Variants in WWOX observed in about 807,000 individuals in gnomAD.
The protein encoded by WWOX is WW domain-containing oxidoreductase.
Under a neutral mutation model 46.2 loss-of-function variants are expected in WWOX, and 69 were observed. That is an observed-to-expected ratio of 1.49 (90% CI 1.23 to 1.82). The LOEUF (loss-of-function observed/expected upper bound fraction) is 1.82. Ranked by LOEUF, WWOX falls within the 40% of genes most tolerant of loss-of-function variation. WWOX has a pLI of 0.00. For missense variants in WWOX, 919 were observed against 542.6 expected (o/e 1.69, Z -6.89); for synonymous variants, 359 against 202.6 (o/e 1.77, Z -6.56).
At chr16:78,964,455 A>G (rs146041809) in intron 8 of WWOX, among the ~76,000 whole-genome samples, 1 of 152,168 alleles carries the variant, frequency 6.6e-6, no homozygotes, top group Non-Finnish European at 1.5e-5. Flanking sequence ...GGAACTTTGA[A>G]CTTGAGAAAG....
chr16:78,477,009 T>A (rs937841183), intron 8 of WWOX, among the ~76,000 whole-genome samples: 69 of 152,238 alleles, frequency 4.5e-4, no homozygotes, highest in African/African-American at 1.5e-3. Flanking sequence ...GTCTGCGCTT[T>A]TGTTGGTAAT....
intron 8 of WWOX, among the ~76,000 whole-genome samples, chr16:78,788,080 C>T (rs1017204208): frequency 6.6e-6 from 1 of 152,148 alleles, no homozygotes; most frequent in Non-Finnish European, 1.5e-5. Context: ...AACATTTTCT[C>T]TCAATCTATG....
intron 8 of WWOX, among the ~76,000 whole-genome samples, chr16:78,735,691 C>A (rs947108164): frequency 2.0e-5 from 3 of 152,192 alleles, no homozygotes; most frequent in Non-Finnish European, 4.4e-5. Flanking sequence ...CCACGGCCAC[C>A]GTGATGCCTG....
At position 78,424,957 on chromosome 16, in the gene WWOX, G is replaced by T. The variant is rs1482611933; in HGVS notation, c.693G>T (p.Val231=). Residue 231 remains valine, a synonymous_variant, in exon 7 of 9, where the codon GTG becomes GTT. Transcript: ENST00000566780. Reference sequence around the variant, plus strand: ...ATGGCCTGGAGACCACCTTTCAAGTGAATCATCTGGGGCACTTCTACCTTG... The same window carrying T: ...ATGGCCTGGAGACCACCTTTCAAGTTAATCATCTGGGGCACTTCTACCTTG... ...TKDGLETTFQ[V]NHLGHFYLVQ... 2 of 1,614,126 alleles carry T rather than the reference G, an allele frequency of 1.2e-6. No individual in the cohort carries two copies. Among genetic ancestry groups the T allele is most frequent in the African/African-American group, 1.3e-5 (1 of 75,014 alleles).
intron 5 of WWOX, among the ~76,000 whole-genome samples, chr16:78,218,518 T>C (rs1435602713): frequency 1.3e-5 from 2 of 152,018 alleles, no homozygotes; most frequent in Admixed American, 1.3e-4. Flanking sequence ...CTATATGAGG[T>C]CACAGAAAAT....
intron 8 of WWOX, among the ~76,000 whole-genome samples, chr16:78,541,176 T>G (rs1186583421): frequency 1.3e-5 from 2 of 152,144 alleles, no homozygotes; most frequent in Admixed American, 6.5e-5. Context: ...ACTTCTGTTA[T>G]AAAAATAGAC....
At chr16:79,024,660 C>T (rs2047601644) in intron 8 of WWOX, among the ~76,000 whole-genome samples, 1 of 152,074 alleles carries the variant, frequency 6.6e-6, no homozygotes, top group South Asian at 2.1e-4. Flanking sequence ...TGGTCTTCAT[C>T]TCCTGACCTC....
intron 8 of WWOX, among the ~76,000 whole-genome samples, chr16:78,768,005 G>A (rs2049966372): frequency 6.6e-6 from 1 of 151,914 alleles, no homozygotes; most frequent in African/African-American, 2.4e-5. Context: ...AAAGAAAACG[G>A]TAATTGAAAG....
chr16:78,384,945 C>G (rs1385905000), intron 5 of WWOX, among the ~76,000 whole-genome samples: 1 of 152,074 alleles, frequency 6.6e-6, no homozygotes, highest in Non-Finnish European at 1.5e-5. Context: ...ACCATCCTGG[C>G]CAACATGGTG....
chr16:78,277,945 C>T (rs549075088), intron 5 of WWOX, among the ~76,000 whole-genome samples: 1 of 152,218 alleles, frequency 6.6e-6, no homozygotes, highest in South Asian at 2.1e-4. Flanking sequence ...TGACTTGGCC[C>T]ACCATGGGGT....
At chr16:79,006,333 G>T (rs913648931) in intron 8 of WWOX, among the ~76,000 whole-genome samples, 1 of 152,126 alleles carries the variant, frequency 6.6e-6, no homozygotes, top group Non-Finnish European at 1.5e-5. Context: ...AGAGACCCGG[G>T]GGCCTCAGCA....
intron 8 of WWOX, among the ~76,000 whole-genome samples, chr16:78,776,401 A>G (rs11859892): frequency 0.026 from 3,920 of 152,248 alleles, 177 homozygotes; most frequent in African/African-American, 0.09. Context: ...GACCTGGGTC[A>G]ACTCATACCT....
At chr16:78,759,816 T>G (rs1333205430) in intron 8 of WWOX, among the ~76,000 whole-genome samples, 11 of 152,096 alleles carry the variant, frequency 7.2e-5, no homozygotes, top group Non-Finnish European at 1.6e-4. Flanking sequence ...TTTTATGGAG[T>G]GAAAATCAAA....
intron 8 of WWOX, among the ~76,000 whole-genome samples, chr16:78,706,859 G>A (rs935563351): frequency 2.6e-5 from 4 of 151,898 alleles, no homozygotes; most frequent in East Asian, 1.9e-4. Flanking sequence ...TGTAATTGAC[G>A]CAATCCTGGC....
At chr16:78,855,573 G>A (rs746949780) in intron 8 of WWOX, among the ~76,000 whole-genome samples, 2 of 152,184 alleles carry the variant, frequency 1.3e-5, no homozygotes, top group Non-Finnish European at 2.9e-5. Context: ...GATGATGTTT[G>A]TGTTAATACT....
intron 8 of WWOX, among the ~76,000 whole-genome samples, chr16:78,612,742 G>C (rs546307865): frequency 5.5e-4 from 83 of 152,224 alleles, no homozygotes; most frequent in African/African-American, 1.8e-3. Context: ...CTCCCAAAGT[G>C]CTGGGATTAC....
chr16:79,136,901 C>G (rs1428127953), intron 8 of WWOX, among the ~76,000 whole-genome samples: 1 of 152,196 alleles, frequency 6.6e-6, no homozygotes, highest in South Asian at 2.1e-4. Context: ...ACTGTCCAAC[C>G]TGCAGGAGGC....
At chr16:78,620,587 GT>G (rs2046155216) in intron 8 of WWOX, among the ~76,000 whole-genome samples, 1 of 152,126 alleles carries the variant, frequency 6.6e-6, no homozygotes, top group Non-Finnish European at 1.5e-5. Context: ...TGGGACTCTT[GT>G]CCCCTGAGAA....
chr16:78,219,860 T>C (rs1480475097), intron 5 of WWOX, among the ~76,000 whole-genome samples: 1 of 152,200 alleles, frequency 6.6e-6, no homozygotes, highest in Non-Finnish European at 1.5e-5. Context: ...TTCTCTCGAC[T>C]GTGGTGACGG....
Sources: allele counts gnomAD v4.1 joint callset (sites outside exome capture counted in the v4.1 genomes callset), GRCh38; gene constraint gnomAD v4.1.1; transcripts MANE v1.5; gene names NCBI Gene and HGNC (gene_info 2026-07-23, HGNC 2026-07-21).